IQSEC1: variants seen among roughly 807,000 people sequenced by gnomAD.
The protein encoded by IQSEC1 is IQ motif and Sec7 domain ArfGEF 1.
A neutral mutation model predicts 91.0 loss-of-function variants in IQSEC1; 31 were observed. That is an observed-to-expected ratio of 0.34 (90% CI 0.26 to 0.46). IQSEC1 has a LOEUF of 0.46. Ranked by LOEUF, IQSEC1 falls within the 20% of genes least tolerant of loss-of-function variation. The pLI, the probability that IQSEC1 is intolerant of heterozygous loss-of-function variation, is 1.00. For synonymous variants in IQSEC1, 699 were observed against 662.6 expected (o/e 1.05, Z -0.84); for missense variants, 1,388 against 1,575.6 (o/e 0.88, Z 2.02).
intron 1 of IQSEC1, among the ~76,000 whole-genome samples, chr3:13,183,170 T>C (rs1392919890): frequency 7.5e-6 from 1 of 132,612 alleles, no homozygotes; most frequent in East Asian, 2.2e-4. Flanking sequence ...TCCCCACCAA[T>C]AAATAAACAA....
chr3:13,166,088 C>T (rs1693489826), intron 1 of IQSEC1, among the ~76,000 whole-genome samples: 1 of 152,202 alleles, frequency 6.6e-6, no homozygotes, highest in African/African-American at 2.4e-5. Flanking sequence ...CTACAGGAAA[C>T]TCCCCTGCCT....
chr3:13,039,037 T>C (rs766269788), intron 1 of IQSEC1, among the ~76,000 whole-genome samples: 6 of 152,244 alleles, frequency 3.9e-5, no homozygotes, highest in African/African-American at 1.2e-4. Flanking sequence ...ATTAACAGCT[T>C]ATTTTGGAAG....
intron 2 of IQSEC1, among the ~76,000 whole-genome samples, chr3:13,096,887 G>A (rs1449397888): frequency 6.7e-6 from 1 of 148,342 alleles, no homozygotes; most frequent in African/African-American, 2.5e-5. Flanking sequence ...TTGAAATGGA[G>A]TCTCGCTCTG....
intron 1 of IQSEC1, among the ~76,000 whole-genome samples, chr3:13,072,448 C>T (rs1705467070): frequency 6.6e-6 from 1 of 152,200 alleles, no homozygotes; most frequent in African/African-American, 2.4e-5. Flanking sequence ...GCGTGAGGCC[C>T]AGCACACAGC....
intron 2 of IQSEC1, among the ~76,000 whole-genome samples, chr3:13,111,304 C>G (rs1056658563): frequency 6.6e-6 from 1 of 152,212 alleles, no homozygotes; most frequent in Non-Finnish European, 1.5e-5. Context: ...TGAGGTGAGG[C>G]TACTGCTCTG....
rs1406111989 is a variant in IQSEC1, at chr3:13,226,605, T to A, written c.272+56106A>T. On this transcript the variant is annotated intron_variant, in intron 1 of 15. Transcript: ENST00000648114. Reference sequence around the variant, plus strand: ...CATCTCTACCAAAAAAAAAAAAAAATGGTTAAAAATTTGCCTCATCAACCC... The same window carrying A: ...CATCTCTACCAAAAAAAAAAAAAAAAGGTTAAAAATTTGCCTCATCAACCC... Among the ~76,000 whole-genome samples, 42 of 132,944 alleles carry A rather than the reference T, an allele frequency of 3.2e-4. 1 individual carries two copies. Among genetic ancestry groups the A allele is most frequent in the African/African-American group, 8.0e-4 (27 of 33,894 alleles). The allele number at this position is 132,944 out of a possible 152,430, so 87.2% of individuals were successfully genotyped here.
At chr3:13,227,393 A>AAAAAAAAAAAAAG (rs1055638536) in intron 1 of IQSEC1, among the ~76,000 whole-genome samples, 19 of 140,812 alleles carry the variant, frequency 1.3e-4, no homozygotes, top group African/African-American at 3.9e-4. Flanking sequence ...AAAAAAAAAA[A>AAAAAAAAAAAAAG]AAAGAAAGAA....
chr3:13,001,633 G>C (rs552905830), intron 1 of IQSEC1, among the ~76,000 whole-genome samples: 1 of 152,214 alleles, frequency 6.6e-6, no homozygotes, highest in Non-Finnish European at 1.5e-5. Flanking sequence ...AGGAGTTTTC[G>C]TCTTCACGAA....
chr3:13,173,871 T>C (rs1033072684), intron 1 of IQSEC1, among the ~76,000 whole-genome samples: 1 of 152,210 alleles, frequency 6.6e-6, no homozygotes, highest in Admixed American at 6.5e-5. Flanking sequence ...TCAGATCTCC[T>C]GAATCAGGAA....
At chr3:13,266,322 C>T (rs1695489098) in intron 1 of IQSEC1, among the ~76,000 whole-genome samples, 1 of 152,200 alleles carries the variant, frequency 6.6e-6, no homozygotes, top group African/African-American at 2.4e-5. Context: ...CATCAAGCAG[C>T]CTGAGACACA....
At chr3:13,217,679 T>C (rs1423058869) in intron 1 of IQSEC1, among the ~76,000 whole-genome samples, 1 of 152,250 alleles carries the variant, frequency 6.6e-6, no homozygotes. Flanking sequence ...ATAAACTACT[T>C]AGTATTTTCC....
intron 1 of IQSEC1, among the ~76,000 whole-genome samples, chr3:13,067,022 C>A (rs1391625078): frequency 6.6e-6 from 1 of 152,244 alleles, no homozygotes; most frequent in Non-Finnish European, 1.5e-5. Context: ...TAACCAGGAA[C>A]TTTCCAGATG....
In IQSEC1 at chr3:12,901,153, GGTACTGGTGTGC is replaced by G; in HGVS notation, c.3163_3174del (p.Ala1055_Tyr1058del). ...GGGTGGCCCCCATGGGGGCCGTGGT[GGTACTGGTGTGC>G]GTGCTGGATGTGCTGGGGTGGGTGG... On this transcript the variant is annotated inframe_deletion, in exon 14 of 14. Coordinates refer to ENST00000613206, the MANE Select transcript of IQSEC1 (RefSeq NM_001134382.3). 6.5e-7 allele frequency: 1 copy of G among 1,544,270 alleles called. No individual in the cohort carries two copies. Among genetic ancestry groups the G allele is most frequent in the Non-Finnish European group, 8.7e-7 (1 of 1,145,504 alleles).
intron 1 of IQSEC1, among the ~76,000 whole-genome samples, chr3:13,212,916 T>C (rs891860842): frequency 6.6e-6 from 1 of 152,246 alleles, no homozygotes; most frequent in African/African-American, 2.4e-5. Context: ...TTTTTGTTAT[T>C]GAGTTATAAG....
Position 12,900,155 on chromosome 3 carries a change from TTAATAAAA to T in IQSEC1, c.*820_*827del. On this transcript the variant is annotated 3_prime_UTR_variant, in exon 14 of 14. Coordinates refer to ENST00000613206, the MANE Select transcript of IQSEC1 (RefSeq NM_001134382.3). ...TAATACTATTTATGATAGTATTCTG[TTAATAAAA>T]TAAGGATTTATACAAAGCAATACTG... 1.0e-6 allele frequency: 1 copy of T among 969,740 alleles called. No homozygotes were observed. The highest frequency in any genetic ancestry group is 1.2e-6 in the Non-Finnish European group (1 of 815,726). 60.1% of individuals were successfully genotyped at this position (969,740 alleles called of 1,614,324 possible). A position where few individuals can be genotyped will look rare whatever the true frequency, so the allele number is the denominator to read the frequency against.
chr3:13,047,128 C>T (rs763071775), intron 1 of IQSEC1, among the ~76,000 whole-genome samples: 5 of 152,176 alleles, frequency 3.3e-5, no homozygotes, highest in African/African-American at 4.8e-5. Context: ...TGGGAACTGC[C>T]GGCTGCAGGC....
In IQSEC1 at chr3:12,952,755, C is replaced by T. The variant is rs535225795; in HGVS notation, c.24-10890G>A. 1.2e-4 allele frequency among the ~76,000 whole-genome samples: 19 copies of T among 152,312 alleles called. 2 individuals are homozygous for T. The South Asian group carries it at 3.5e-3, about 28-fold the overall frequency. ...CAGGTGCTGTTCCCACTGCTCAGAG[C>T]GGACTTCCCCCAGGCTGCCTGGCTC... is the stretch of plus-strand genomic sequence containing the variant. On this transcript the variant is annotated intron_variant, in intron 1 of 13. Transcript: ENST00000613206.
At chr3:13,077,217 T>G (rs1022239541), upstream of IQSEC1, among the ~76,000 whole-genome samples, 3 of 152,040 alleles carry the variant, frequency 2.0e-5, no homozygotes, top group African/African-American at 7.3e-5. Flanking sequence ...AATAAAAGAT[T>G]TAAAATGTGC....
At position 13,115,330 on chromosome 3, in the gene IQSEC1, G is replaced by GA. The variant is rs1156672807; in HGVS notation, c.302+48773dup. ...GGCGTCCTGCCTGGCCAGGTGCTCT[G>GA]AGGAGCTCAGTTTCAGGATGAGGGC... On this transcript the variant is annotated intron_variant, in intron 2 of 15. Coordinates refer to the IQSEC1 transcript ENST00000648114. Among the ~76,000 whole-genome samples, 2 of 152,060 alleles carry GA rather than the reference G, an allele frequency of 1.3e-5. 1 individual carries two copies. Among genetic ancestry groups the GA allele is most frequent in the Admixed American group, 1.3e-4 (2 of 15,278 alleles).
Sources: gnomAD v4.1 joint callset for allele counts (sites outside exome capture counted in the v4.1 genomes callset) on GRCh38, gnomAD v4.1.1 for gene constraint, MANE v1.5 for transcripts, NCBI Gene and HGNC (gene_info 2026-07-23, HGNC 2026-07-21) for gene names.